Variants in NALCN observed in about 807,000 individuals in gnomAD.
The protein encoded by NALCN is sodium leak channel NALCN.
In NALCN, 111 loss-of-function variants were observed where a neutral mutation model predicts 225.3. That is an observed-to-expected ratio of 0.49 (90% CI 0.42 to 0.58). The LOEUF (loss-of-function observed/expected upper bound fraction) is 0.58, where lower values mean the gene tolerates loss of function less well. Among genes scored for constraint, NALCN ranks in the 20% least tolerant of loss-of-function variants. The pLI, the probability that NALCN is intolerant of heterozygous loss-of-function variation, is 0.00. For synonymous variants in NALCN, 764 were observed against 769.0 expected (o/e 0.99, Z 0.11); for missense variants, 1,378 against 2,202.4 (o/e 0.63, Z 7.49).
chr13:101,212,695 C>T (rs1388190143), intron 13 of NALCN, among the ~76,000 whole-genome samples: 1 of 152,074 alleles, frequency 6.6e-6, no homozygotes, highest in Non-Finnish European at 1.5e-5. Flanking sequence ...CTATGACATT[C>T]AAAGAGGACA....
At chr13:101,388,034 T>G (rs1166413404) in intron 3 of NALCN, among the ~76,000 whole-genome samples, 2 of 152,168 alleles carry the variant, frequency 1.3e-5, no homozygotes, top group African/African-American at 4.8e-5. Flanking sequence ...GACATGCATG[T>G]TTGAAGAAGT....
rs74348067 is a variant in NALCN, at chr13:101,283,638, C to T, written c.1134+295G>A. Among the ~76,000 whole-genome samples, 171 of 152,094 alleles carry T rather than the reference C, an allele frequency of 1.1e-3. 5 individuals are homozygous for T. The East Asian group carries it at 0.029, about 25-fold the overall frequency. ...CCCACTGCCACATAACTCAGTCCTT[C>T]GGTAAAGAATATTTTTATAAGATTT... On this transcript the variant is annotated intron_variant, in intron 10 of 43. Transcript: ENST00000251127.
intron 7 of NALCN, among the ~76,000 whole-genome samples, chr13:101,312,733 T>A (rs1308224930): frequency 3.3e-5 from 5 of 152,204 alleles, no homozygotes; most frequent in African/African-American, 1.2e-4. Flanking sequence ...AGACAGTTTG[T>A]TATAATTTCT....
intron 3 of NALCN, among the ~76,000 whole-genome samples, chr13:101,379,420 T>C (rs1229232536): frequency 6.6e-6 from 1 of 152,304 alleles, no homozygotes. Flanking sequence ...TGCACACGTA[T>C]GTTTATTGCA....
At chr13:101,072,593 G>A (rs897894241) in intron 37 of NALCN, among the ~76,000 whole-genome samples, 18 of 151,848 alleles carry the variant, frequency 1.2e-4, no homozygotes, top group Admixed American at 1.2e-3. Flanking sequence ...TATTTGATTT[G>A]GCAAATTCTC....
chr13:101,061,949 A>G lies in NALCN; in HGVS notation c.4755+19T>C, dbSNP rs1442663717. 6.2e-7 allele frequency: 1 copy of G among 1,607,650 alleles called. No individual in the cohort carries two copies. ...GGGGCGGGGCGGGGACCCAACCTGC[A>G]TGTGTGCAGTTCACTCACAGCTCTG... is the stretch of plus-strand genomic sequence containing the variant. On this transcript the variant is annotated intron_variant, in intron 41 of 43. Coordinates refer to ENST00000251127, the MANE Select transcript of NALCN (RefSeq NM_052867.4).
chr13:101,126,959 C>G (rs1246865198), intron 17 of NALCN, among the ~76,000 whole-genome samples: 3 of 152,086 alleles, frequency 2.0e-5, no homozygotes, highest in African/African-American at 7.2e-5. Flanking sequence ...TGAGACAGAC[C>G]CAGGCACAGA....
chr13:101,119,955 A>G (rs967093027), intron 18 of NALCN, among the ~76,000 whole-genome samples: 3 of 152,210 alleles, frequency 2.0e-5, no homozygotes, highest in African/African-American at 2.4e-5. Flanking sequence ...AGAGTTCTCA[A>G]ATATATCAAA....
chr13:101,306,512 T>C (rs2044158579), intron 7 of NALCN, among the ~76,000 whole-genome samples: 1 of 152,246 alleles, frequency 6.6e-6, no homozygotes. Flanking sequence ...GCCCTTGTCC[T>C]GGTGATTCTT....
intron 14 of NALCN, among the ~76,000 whole-genome samples, chr13:101,181,569 CA>C (rs757976308): frequency 6.8e-4 from 76 of 111,150 alleles, no homozygotes; most frequent in Admixed American, 1.2e-3. Context: ...CCCTGTCTCT[CA>C]AAAAAAAAAA....
chr13:101,079,308 T>C (rs1246197940), intron 34 of NALCN, among the ~76,000 whole-genome samples: 1 of 152,218 alleles, frequency 6.6e-6, no homozygotes, highest in Non-Finnish European at 1.5e-5. Context: ...TGACAACCAA[T>C]AGTTTTTAGG....
At chr13:101,319,905 T>C (rs2044686694) in intron 7 of NALCN, among the ~76,000 whole-genome samples, 1 of 152,218 alleles carries the variant, frequency 6.6e-6, no homozygotes, top group South Asian at 2.1e-4. Flanking sequence ...TTCTATTCCC[T>C]AAGCATCTGT....
chr13:101,246,848 T>G (rs1373488523), intron 11 of NALCN, among the ~76,000 whole-genome samples: 1 of 152,134 alleles, frequency 6.6e-6, no homozygotes, highest in African/African-American at 2.4e-5. Context: ...ACAAATATCA[T>G]AAAACCAAAT....
rs1162707200 is a variant in NALCN at position 101,292,958 on chromosome 13, G to A, written c.800-592C>T. On this transcript the variant is annotated intron_variant, in intron 7 of 43. Transcript: ENST00000251127. This position sits in a 1 kb window ranked among gnomAD's most constrained non-coding sequence, Gnocchi z 4.3. ...TTCTGGGAGAATTACCTCATAGAAAGTACTTCTAGTAATGGAAAGAAAGGA... is the reference window on the plus strand; with the variant it reads ...TTCTGGGAGAATTACCTCATAGAAAATACTTCTAGTAATGGAAAGAAAGGA... Among the ~76,000 whole-genome samples the A allele has an allele frequency of 6.6e-6, 1 of 152,194 alleles. No individual in the cohort carries two copies. The highest frequency in any genetic ancestry group is 1.9e-4 in the East Asian group (1 of 5,204).
At chr13:101,275,935 G>A (rs1174947195) in intron 10 of NALCN, among the ~76,000 whole-genome samples, 1 of 151,798 alleles carries the variant, frequency 6.6e-6, no homozygotes, top group African/African-American at 2.4e-5. Context: ...ATGGTGGCGG[G>A]CGCCTGTAGT....
chr13:101,331,264 G>A (rs1301773506), intron 7 of NALCN, among the ~76,000 whole-genome samples: 1 of 152,060 alleles, frequency 6.6e-6, no homozygotes. Context: ...TCTAAAATAA[G>A]CATGTTTAAA....
chr13:101,252,978 TATA>T (rs917949004), intron 11 of NALCN, among the ~76,000 whole-genome samples: 7 of 152,152 alleles, frequency 4.6e-5, no homozygotes, highest in South Asian at 2.1e-4. Flanking sequence ...AATACATTCA[TATA>T]ATAATAAGAA....
intron 11 of NALCN, among the ~76,000 whole-genome samples, chr13:101,255,163 T>C (rs2042190210): frequency 6.6e-6 from 1 of 152,040 alleles, no homozygotes; most frequent in Non-Finnish European, 1.5e-5. Context: ...TTTAATATTA[T>C]ATAAAAAAGA....
chr13:101,069,575 C>T (rs1347304180), intron 37 of NALCN, among the ~76,000 whole-genome samples: 2 of 152,226 alleles, frequency 1.3e-5, no homozygotes, highest in Admixed American at 1.3e-4. Context: ...TAAAACAAGT[C>T]AACATGGAAG....
Sources: gnomAD v4.1 joint callset for allele counts (sites outside exome capture counted in the v4.1 genomes callset) on GRCh38, gnomAD v4.1.1 for gene constraint, Gnocchi (gnomAD v3.1) non-coding constraint, MANE v1.5 for transcripts, NCBI Gene and HGNC (gene_info 2026-07-23, HGNC 2026-07-21) for gene names.